The following CCDC66 variants were observed in gnomAD, a reference collection of about 807,000 sequenced individuals.
CCDC66 encodes the protein coiled-coil domain-containing protein 66.
A neutral mutation model predicts 128.3 loss-of-function variants in CCDC66; 133 were observed. The observed-to-expected ratio is 1.04, with a 90% CI of 0.90 to 1.20. The LOEUF (loss-of-function observed/expected upper bound fraction) is 1.20. Ranked by LOEUF, CCDC66 falls within the 50% of genes most tolerant of loss-of-function variation. CCDC66 has a pLI of 0.00. For missense variants in CCDC66, 1,126 were observed against 1,075.5 expected (o/e 1.05, Z -0.66); for synonymous variants, 387 against 357.0 (o/e 1.08, Z -0.95).
At position 56,558,239 on chromosome 3, in the gene CCDC66, T is replaced by C. The variant is rs147440356; in HGVS notation, c.12-607T>C. On this transcript the variant is annotated intron_variant, in intron 1 of 17. Coordinates refer to ENST00000394672, the MANE Select transcript of CCDC66 (RefSeq NM_001141947.3). ...CTGTATGTATGGGCTGCCATTTTTG[T>C]TCTCAGTGGAGTTTTAGGACCTTAA... Among the ~76,000 whole-genome samples the C allele has an allele frequency of 2.8e-3, 432 of 152,366 alleles. 1 individual carries two copies. The highest frequency in any genetic ancestry group is 0.01 in the African/African-American group (416 of 41,584).
At chr3:56,601,096 A>G (rs2073081029) in intron 10 of CCDC66, among the ~76,000 whole-genome samples, 1 of 152,082 alleles carries the variant, frequency 6.6e-6, no homozygotes, top group African/African-American at 2.4e-5. Flanking sequence ...TAGGGTTTTT[A>G]TGGTTTTAGG....
intron 10 of CCDC66, among the ~76,000 whole-genome samples, chr3:56,595,540 C>T (rs1013834985): frequency 2.0e-5 from 3 of 152,190 alleles, no homozygotes; most frequent in South Asian, 2.1e-4. Context: ...AACATAATGA[C>T]GTCCAGTCCC....
chr3:56,592,846 G>GCTC, intron 7 of CCDC66, 124 bp from the exon 8 acceptor site: 1 of 888,316 alleles, frequency 1.1e-6, no homozygotes, highest in Non-Finnish European at 1.8e-6. Flanking sequence ...TGAAGTTATT[G>GCTC]CTCCTCTTAC....
intron 1 of CCDC66, 69 bp downstream of exon 1, chr3:56,557,322 T>A: frequency 6.5e-7 from 1 of 1,535,746 alleles, no homozygotes; most frequent in Non-Finnish European, 8.8e-7. Context: ...GAGGCATGTG[T>A]GTCTGGGTTG....
At chr3:56,611,386 C>T (rs1042716435) in intron 10 of CCDC66, among the ~76,000 whole-genome samples, 4 of 151,842 alleles carry the variant, frequency 2.6e-5, no homozygotes, top group Admixed American at 6.6e-5. Context: ...CCAACTCCCC[C>T]ACAAACCAAA....
At chr3:56,563,560 G>A in intron 3 of CCDC66, 124 bp from the exon 4 acceptor site, 1 of 680,204 alleles carries the variant, frequency 1.5e-6, no homozygotes, top group Non-Finnish European at 2.4e-6. Flanking sequence ...GTTTCTTATG[G>A]TTATATTACC....
chr3:56,564,035 C>CT lies in CCDC66; in HGVS notation c.455dup (p.Thr153AsnfsTer17), dbSNP rs2065464091. Reference sequence around the variant, plus strand: ...AAACATGAAGAGCAGTTTGGTGTGTCTAACACAAGACCAACTACAACAGAT... The same window carrying CT: ...AAACATGAAGAGCAGTTTGGTGTGTCTTAACACAAGACCAACTACAACAGAT... On this transcript the variant is annotated frameshift_variant, in exon 4 of 18. Coordinates refer to ENST00000394672, the MANE Select transcript of CCDC66 (RefSeq NM_001141947.3). LOFTEE classifies it high-confidence loss of function. The CT allele has an allele frequency of 6.2e-7, 1 of 1,613,948 alleles. No individual in the cohort carries two copies.
chr3:56,621,405 A>C, intron 17 of CCDC66, 127 bp from the exon 18 acceptor site: 1 of 589,522 alleles, frequency 1.7e-6, no homozygotes, highest in Non-Finnish European at 2.9e-6. Flanking sequence ...TTTCTGAAAA[A>C]ATTTTTGAAT....
intron 7 of CCDC66, among the ~76,000 whole-genome samples, chr3:56,584,868 T>A (rs998938489): frequency 3.9e-5 from 6 of 151,942 alleles, no homozygotes; most frequent in African/African-American, 1.4e-4. Context: ...GGCTGGCAGA[T>A]CACTCACGGT....
chr3:56,565,445 T>A (rs1273793395), intron 4 of CCDC66, among the ~76,000 whole-genome samples: 1 of 148,716 alleles, frequency 6.7e-6, no homozygotes, highest in Non-Finnish European at 1.5e-5. Flanking sequence ...GGCTAACTTT[T>A]TTTTTTTTTT....
At chr3:56,617,778 C>T (rs1208901612) in intron 14 of CCDC66, 173 bp downstream of exon 14, 20 of 691,044 alleles carry the variant, frequency 2.9e-5, no homozygotes, top group East Asian at 1.1e-4. Context: ...AAGTTTTATA[C>T]GAACATAGTC....
chr3:56,575,870 A>C (rs143336084), intron 7 of CCDC66, among the ~76,000 whole-genome samples: 2 of 151,934 alleles, frequency 1.3e-5, no homozygotes, highest in South Asian at 2.1e-4. Context: ...TCCCTTGTCC[A>C]TAACTATTTC....
At chr3:56,606,228 C>T (rs1033242003) in intron 10 of CCDC66, among the ~76,000 whole-genome samples, 7 of 152,048 alleles carry the variant, frequency 4.6e-5, no homozygotes, top group Non-Finnish European at 5.9e-5. Context: ...TAGGACCCTC[C>T]GAGCCTGACT....
chr3:56,585,982 A>G (rs1267734034), intron 7 of CCDC66, among the ~76,000 whole-genome samples: 1 of 151,932 alleles, frequency 6.6e-6, no homozygotes, highest in Non-Finnish European at 1.5e-5. Flanking sequence ...TACTATAACC[A>G]TATCTATATT....
chr3:56,561,246 A>G (rs1161266630), intron 3 of CCDC66: 1 of 456,510 alleles, frequency 2.2e-6, no homozygotes, highest in Non-Finnish European at 4.4e-6. Flanking sequence ...GTTGATTTTT[A>G]TCTTCTCCAG....
At chr3:56,615,566 C>T (rs6445801) in intron 12 of CCDC66, 190,527 of 339,982 alleles carry the variant, frequency 0.56, 59,240 homozygotes, top group East Asian at 0.93. Context: ...TTAATACCTT[C>T]AATATACCTA....
chr3:56,578,791 G>A (rs986670190), intron 7 of CCDC66, among the ~76,000 whole-genome samples: 3 of 151,896 alleles, frequency 2.0e-5, no homozygotes, highest in Non-Finnish European at 4.4e-5. Flanking sequence ...GCTTTTTGAT[G>A]TGCTGCTGGA....
In CCDC66 at chr3:56,615,972, CAT is replaced by C. The variant is rs750932339; in HGVS notation, c.1763_1764del (p.His588ArgfsTer3). 26 of 1,598,550 alleles carry C rather than the reference CAT, an allele frequency of 1.6e-5. No homozygotes were observed. The Admixed American group carries it at 4.4e-4, about 27-fold the overall frequency. On this transcript the variant is annotated frameshift_variant, in exon 13 of 18. Transcript: ENST00000394672. LOFTEE classifies it high-confidence loss of function. ...TGCATCTAACATTTCAAATTCAAGA[CAT>C]GATTCTGATGAAATCAGTGGTAAAA... ...YNASNISNSR[H>X]DSDEISGKMN...
chr3:56,570,312 G>C (rs2066453404), intron 6 of CCDC66: 1 of 152,114 alleles, frequency 6.6e-6, no homozygotes, highest in South Asian at 2.1e-4. Context: ...ATATCTCTCA[G>C]ACACAGGCTT....
Sources: gnomAD v4.1 joint callset for allele counts (sites outside exome capture counted in the v4.1 genomes callset) on GRCh38, gnomAD v4.1.1 for gene constraint, MANE v1.5 for transcripts, NCBI Gene and HGNC (gene_info 2026-07-23, HGNC 2026-07-21) for gene names.